CCDC178: variants seen among roughly 807,000 people sequenced by gnomAD.
CCDC178 encodes the protein coiled-coil domain containing 178.
CCDC178 carries 126 observed loss-of-function variants against 117.4 expected under a neutral mutation model. That is an observed-to-expected ratio of 1.07 (90% CI 0.93 to 1.24). CCDC178 has a LOEUF of 1.24. Among genes scored for constraint, CCDC178 ranks in the 50% most tolerant of loss-of-function variants. The pLI is 0.00. For synonymous variants in CCDC178, 283 were observed against 313.4 expected, an observed-to-expected ratio of 0.90 and a Z score of 1.02; for missense variants, 1,030 against 986.9, an observed-to-expected ratio of 1.04 and a Z score of -0.59.
At chr18:33,412,768 A>G (rs1482551061) in intron 2 of CCDC178, among the ~76,000 whole-genome samples, 1 of 152,180 alleles carries the variant, frequency 6.6e-6, no homozygotes, top group African/African-American at 2.4e-5. Flanking sequence ...ATCACTAAAC[A>G]TATTTTGTGT....
At chr18:33,372,382 C>T (rs2063311575) in intron 5 of CCDC178, among the ~76,000 whole-genome samples, 2 of 152,218 alleles carry the variant, frequency 1.3e-5, no homozygotes, top group East Asian at 3.9e-4. Flanking sequence ...ACTAGCTGCA[C>T]ATCTTTAGCT....
chr18:33,241,521 G>T (rs1303876212), intron 15 of CCDC178, among the ~76,000 whole-genome samples: 1 of 150,878 alleles, frequency 6.6e-6, no homozygotes, highest in African/African-American at 2.4e-5. Flanking sequence ...CCTTAAAGTT[G>T]CGAGATATAA....
At chr18:33,022,954 T>C (rs1192448308) in intron 21 of CCDC178, among the ~76,000 whole-genome samples, 1 of 152,056 alleles carries the variant, frequency 6.6e-6, no homozygotes, top group African/African-American at 2.4e-5. Context: ...TCAAACAATC[T>C]TGACTTTATG....
chr18:33,193,101 A>G (rs1262111041), intron 20 of CCDC178, among the ~76,000 whole-genome samples: 3 of 149,808 alleles, frequency 2.0e-5, no homozygotes, highest in Non-Finnish European at 4.4e-5. Flanking sequence ...CTACTAAACA[A>G]AATACAAAAA....
intron 21 of CCDC178, among the ~76,000 whole-genome samples, chr18:33,068,896 G>A (rs1486265084): frequency 6.6e-6 from 1 of 152,074 alleles, no homozygotes; most frequent in Non-Finnish European, 1.5e-5. Flanking sequence ...CTTTGCAGAT[G>A]ACATGATCCT....
chr18:33,301,504 C>A (rs1317425036), intron 11 of CCDC178, among the ~76,000 whole-genome samples: 2 of 152,200 alleles, frequency 1.3e-5, no homozygotes, highest in Non-Finnish European at 2.9e-5. Flanking sequence ...GCACCCTGAA[C>A]CTGGAATCCA....
chr18:33,438,989 C>T (rs1443782582), intron 2 of CCDC178, among the ~76,000 whole-genome samples: 3 of 152,178 alleles, frequency 2.0e-5, no homozygotes, highest in Non-Finnish European at 4.4e-5. Flanking sequence ...CCACTCCATC[C>T]ACATAGTCTG....
chr18:33,095,423 G>A (rs1224845777), intron 20 of CCDC178, among the ~76,000 whole-genome samples: 3 of 151,652 alleles, frequency 2.0e-5, no homozygotes, highest in Admixed American at 6.6e-5. Flanking sequence ...TTGATACTTC[G>A]GGGATATTAC....
intron 21 of CCDC178, among the ~76,000 whole-genome samples, chr18:33,050,225 G>T (rs2056723535): frequency 6.6e-6 from 1 of 152,056 alleles, no homozygotes; most frequent in South Asian, 2.1e-4. Flanking sequence ...TAGTTTTTCA[G>T]AAACATAGAT....
In CCDC178 at chr18:33,031,424, T is replaced by C. The variant is rs137912725; in HGVS notation, c.2389-56743A>G. The stretch of plus-strand genomic sequence containing the variant: ...CTCCACGCAGCTGCTAGATTTATTT[T>C]CTTAGTGGTTGCTCCAGGGCTTACT... On this transcript the variant is annotated intron_variant, in intron 21 of 22. Transcript: ENST00000383096. 4.4e-3 allele frequency among the ~76,000 whole-genome samples: 673 copies of C among 152,178 alleles called. 13 individuals are homozygous for C. Among genetic ancestry groups the C allele is most frequent in the Middle Eastern group, 3.4e-3 (1 of 294 alleles).
intron 21 of CCDC178, among the ~76,000 whole-genome samples, chr18:33,087,748 A>T (rs1450832154): frequency 6.6e-6 from 1 of 152,230 alleles, no homozygotes; most frequent in Non-Finnish European, 1.5e-5. Flanking sequence ...AGCAGACAGA[A>T]TTCACTATCA....
intron 21 of CCDC178, among the ~76,000 whole-genome samples, chr18:33,070,062 T>C (rs1487422230): frequency 6.6e-6 from 1 of 152,092 alleles, no homozygotes; most frequent in Non-Finnish European, 1.5e-5. Context: ...GGAACTCTTA[T>C]ACAATGTTGG....
At chr18:33,281,330 A>G (rs2060023560) in intron 12 of CCDC178, among the ~76,000 whole-genome samples, 1 of 151,978 alleles carries the variant, frequency 6.6e-6, no homozygotes, top group Admixed American at 6.6e-5. Context: ...TATTAAAGAC[A>G]AAAACAATTT....
At chr18:33,326,232 T>A (rs141442754) in intron 10 of CCDC178, among the ~76,000 whole-genome samples, 1 of 152,044 alleles carries the variant, frequency 6.6e-6, no homozygotes, top group East Asian at 1.9e-4. Flanking sequence ...CTCTGTGGAG[T>A]GGCTAATTTT....
chr18:33,226,690 C>A (rs2059306187), intron 16 of CCDC178, 103 bp downstream of exon 16: 2 of 698,338 alleles, frequency 2.9e-6, no homozygotes, highest in Admixed American at 5.2e-5. Flanking sequence ...TGCTGGCTTG[C>A]AAACCAAGTA....
intron 12 of CCDC178, among the ~76,000 whole-genome samples, chr18:33,275,997 T>C (rs4799683): frequency 0.91 from 138,190 of 151,500 alleles, 63,133 homozygotes; most frequent in East Asian, 1. Context: ...AACTGGGCAA[T>C]AGAGCAAGAC....
intron 22 of CCDC178, chr18:32,954,189 A>T (rs922103954): frequency 5.9e-5 from 9 of 152,160 alleles, no homozygotes; most frequent in African/African-American, 2.2e-4. Flanking sequence ...TCAATACCAG[A>T]TTATTTCCTG....
intron 21 of CCDC178, among the ~76,000 whole-genome samples, chr18:33,080,498 G>GC: frequency 6.6e-6 from 1 of 152,108 alleles, no homozygotes; most frequent in South Asian, 2.1e-4. Context: ...GAAAAAGATG[G>GC]CCCCCTACAA....
At chr18:33,301,309 G>A (rs145025352) in intron 11 of CCDC178, among the ~76,000 whole-genome samples, 32 of 152,310 alleles carry the variant, frequency 2.1e-4, no homozygotes, top group African/African-American at 7.5e-4. Flanking sequence ...GAAAGCCTGT[G>A]GGCCCAGGCA....
Sources: gnomAD v4.1 joint callset for allele counts (sites outside exome capture counted in the v4.1 genomes callset) on GRCh38, gnomAD v4.1.1 for gene constraint, MANE v1.5 for transcripts, NCBI Gene and HGNC (gene_info 2026-07-23, HGNC 2026-07-21) for gene names.